P3H2: variants seen among roughly 807,000 people sequenced by gnomAD.
P3H2 encodes leprecan-like 1.
Under a neutral mutation model 87.0 loss-of-function variants are expected in P3H2, and 80 were observed. The observed-to-expected ratio is 0.92, with a 90% CI of 0.77 to 1.11. The LOEUF (loss-of-function observed/expected upper bound fraction) is 1.11, where lower values mean the gene tolerates loss of function less well. Among genes scored for constraint, P3H2 ranks in the 50% least tolerant of loss-of-function variants. The pLI, the probability that P3H2 is intolerant of heterozygous loss-of-function variation, is 0.00. For missense variants in P3H2, 1,001 were observed against 923.9 expected (o/e 1.08, Z -1.08); for synonymous variants, 367 against 359.3 (o/e 1.02, Z -0.24).
chr3:190,008,600 T>A (rs1724468017), intron 1 of P3H2, among the ~76,000 whole-genome samples: 2 of 152,188 alleles, frequency 1.3e-5, no homozygotes, highest in South Asian at 4.1e-4. Flanking sequence ...CCTTGAAATG[T>A]TATAGTGTGG....
In P3H2 at chr3:190,025,089, C is replaced by CT. The variant is rs1385924278; in HGVS notation, c.481-29648dup. ...GTCATATTTAGCTCTTAAAATAGACCTATGAATATGTAAAGCCTACGAAAT... is the reference window on the plus strand; with the variant it reads ...GTCATATTTAGCTCTTAAAATAGACCTTATGAATATGTAAAGCCTACGAAAT... On this transcript the variant is annotated intron_variant, in intron 1 of 14. Transcript: ENST00000319332. 2.0e-5 allele frequency among the ~76,000 whole-genome samples: 3 copies of CT among 152,226 alleles called. No homozygotes were observed. The East Asian group carries it at 5.8e-4, about 29-fold the overall frequency.
intron 1 of P3H2, among the ~76,000 whole-genome samples, chr3:190,090,798 T>C (rs1727386927): frequency 6.6e-6 from 1 of 152,198 alleles, no homozygotes; most frequent in Non-Finnish European, 1.5e-5. Flanking sequence ...CAAGTCTTTA[T>C]ACACATTATT....
intron 13 of P3H2, among the ~76,000 whole-genome samples, chr3:189,966,137 AAG>A (rs546564298): frequency 4.0e-4 from 39 of 96,422 alleles, no homozygotes; most frequent in African/African-American, 9.7e-4. Flanking sequence ...GAAAGAAAGA[AAG>A]AAAGAAAGAA....
intron 8 of P3H2, among the ~76,000 whole-genome samples, chr3:189,978,631 A>G (rs1723425397): frequency 6.6e-6 from 1 of 152,096 alleles, no homozygotes; most frequent in Non-Finnish European, 1.5e-5. Context: ...AGAATTTTAC[A>G]CAGATATTTT....
At chr3:190,084,888 T>G (rs1727160015) in intron 1 of P3H2, among the ~76,000 whole-genome samples, 1 of 151,694 alleles carries the variant, frequency 6.6e-6, no homozygotes, top group South Asian at 2.1e-4. Flanking sequence ...ACATAGTTCA[T>G]AGCTCTGTAC....
intron 1 of P3H2, among the ~76,000 whole-genome samples, chr3:190,063,807 G>C (rs1474642974): frequency 1.3e-5 from 2 of 151,996 alleles, no homozygotes; most frequent in Admixed American, 1.3e-4. Context: ...GAAAAAGATG[G>C]GGAGCAGATA....
At chr3:189,994,664 G>T (rs202038897) in intron 2 of P3H2, among the ~76,000 whole-genome samples, 2,210 of 143,378 alleles carry the variant, frequency 0.015, 42 homozygotes, top group African/African-American at 0.056. Flanking sequence ...TGTGTTTTTT[G>T]TTTTTTTTTT....
At chr3:190,106,464 T>C (rs1694140111) in intron 1 of P3H2, among the ~76,000 whole-genome samples, 1 of 152,194 alleles carries the variant, frequency 6.6e-6, no homozygotes, top group Admixed American at 6.5e-5. Context: ...TACCATGATA[T>C]ATTTGCCTAA....
chr3:190,074,835 A>T (rs972351443), intron 1 of P3H2, among the ~76,000 whole-genome samples: 1 of 152,250 alleles, frequency 6.6e-6, no homozygotes, highest in African/African-American at 2.4e-5. Context: ...AAATTAAGAA[A>T]GACCTGAAAG....
intron 1 of P3H2, among the ~76,000 whole-genome samples, chr3:190,026,002 T>C (rs1317499040): frequency 1.3e-5 from 2 of 152,210 alleles, no homozygotes; most frequent in East Asian, 3.8e-4. Flanking sequence ...TATTTTGATT[T>C]GATTTTTTGT....
At chr3:189,999,325 T>G (rs1724141748) in intron 1 of P3H2, among the ~76,000 whole-genome samples, 1 of 152,200 alleles carries the variant, frequency 6.6e-6, no homozygotes, top group Non-Finnish European at 1.5e-5. Flanking sequence ...ACCATAAAAC[T>G]TCATGAACTG....
At chr3:190,009,936 AT>A (rs1724534347) in intron 1 of P3H2, among the ~76,000 whole-genome samples, 1 of 152,138 alleles carries the variant, frequency 6.6e-6, no homozygotes, top group African/African-American at 2.4e-5. Context: ...CTTGAAACTT[AT>A]TAAATCTGTG....
intron 1 of P3H2, among the ~76,000 whole-genome samples, chr3:190,082,521 G>A (rs765590415): frequency 6.6e-6 from 1 of 152,122 alleles, no homozygotes; most frequent in Non-Finnish European, 1.5e-5. Context: ...CAGGGTAATT[G>A]GGATAGCCTC....
intron 1 of P3H2, among the ~76,000 whole-genome samples, chr3:190,087,492 C>T (rs1010830851): frequency 7.2e-6 from 1 of 138,810 alleles, no homozygotes; most frequent in Non-Finnish European, 1.5e-5. Flanking sequence ...TGCAGTGAGC[C>T]GAGATCACAC....
chr3:190,067,930 G>A (rs1726567287), intron 1 of P3H2, among the ~76,000 whole-genome samples: 3 of 151,992 alleles, frequency 2.0e-5, no homozygotes, highest in Non-Finnish European at 4.4e-5. Context: ...AGAAAAAAAT[G>A]TACATAGTTA....
At chr3:190,066,158 T>TATATATATATATACACACACACACAC (rs1256956930) in intron 1 of P3H2, among the ~76,000 whole-genome samples, 19 of 134,616 alleles carry the variant, frequency 1.4e-4, no homozygotes, top group Middle Eastern at 7.9e-3. Context: ...TATATATATA[T>TATATATATATATACACACACACACAC]ACACACACAC....
chr3:190,078,820 C>G (rs1439041317), intron 1 of P3H2, among the ~76,000 whole-genome samples: 1 of 152,096 alleles, frequency 6.6e-6, no homozygotes, highest in South Asian at 2.1e-4. Context: ...CTTTGTTCTT[C>G]CAGGGAAGTA....
intron 2 of P3H2, 69 bp downstream of exon 2, chr3:189,995,221 G>T (rs1022841821): frequency 1.4e-6 from 2 of 1,436,268 alleles, no homozygotes; most frequent in African/African-American, 2.8e-5. Context: ...ATAGAAATTT[G>T]CTGTGACTCA....
intron 1 of P3H2, among the ~76,000 whole-genome samples, chr3:190,038,758 A>T (rs1577288924): frequency 6.6e-6 from 1 of 152,342 alleles, no homozygotes; most frequent in South Asian, 2.1e-4. Flanking sequence ...AAGGACATAC[A>T]ATATTTATCA....
Sources: gnomAD v4.1 joint callset for allele counts (sites outside exome capture counted in the v4.1 genomes callset) on GRCh38, gnomAD v4.1.1 for gene constraint, MANE v1.5 for transcripts, NCBI Gene and HGNC (gene_info 2026-07-23, HGNC 2026-07-21) for gene names.